Variants in SEMA6D observed in about 807,000 individuals in gnomAD.
SEMA6D encodes the protein semaphorin 6D, also known as semaphorin-6D.
A neutral mutation model predicts 106.6 loss-of-function variants in SEMA6D; 35 were observed. The observed-to-expected ratio is 0.33, with a 90% CI of 0.25 to 0.44. The LOEUF (loss-of-function observed/expected upper bound fraction) is 0.44, where lower values mean the gene tolerates loss of function less well. Among genes scored for constraint, SEMA6D ranks in the 20% least tolerant of loss-of-function variants. The probability of loss-of-function intolerance (pLI) is 1.00; values close to 1 mark genes in which losing one functional copy is unlikely to be tolerated. For missense variants in SEMA6D, 1,185 were observed against 1,345.9 expected, an observed-to-expected ratio of 0.88 and a Z score of 1.87; for synonymous variants, 499 against 487.7, an observed-to-expected ratio of 1.02 and a Z score of -0.31.
chr15:47,213,503 T>C (rs17356420), intron 1 of SEMA6D, among the ~76,000 whole-genome samples: 1,850 of 152,280 alleles, frequency 0.012, 43 homozygotes, highest in Admixed American at 0.012. Flanking sequence ...TGGATGATTC[T>C]GCAACTCCAA....
intron 1 of SEMA6D, among the ~76,000 whole-genome samples, chr15:47,323,002 C>G (rs949214947): frequency 2.0e-5 from 3 of 152,208 alleles, no homozygotes; most frequent in Non-Finnish European, 4.4e-5. Flanking sequence ...ACCTACCCAC[C>G]TACCTATCCA....
intron 3 of SEMA6D, among the ~76,000 whole-genome samples, chr15:47,521,300 C>A (rs1409617978): frequency 2.0e-5 from 3 of 152,174 alleles, no homozygotes; most frequent in African/African-American, 7.2e-5. Flanking sequence ...GCATCAGGCT[C>A]CACGGAACCT....
chr15:47,600,262 A>G (rs73390964), intron 3 of SEMA6D, among the ~76,000 whole-genome samples: 4,901 of 152,174 alleles, frequency 0.032, 268 homozygotes, highest in African/African-American at 0.11. Context: ...GCCTTATATT[A>G]TAGAATTGAT....
chr15:47,416,263 T>A (rs889365174), intron 2 of SEMA6D, among the ~76,000 whole-genome samples: 1 of 152,058 alleles, frequency 6.6e-6, no homozygotes, highest in Non-Finnish European at 1.5e-5. Flanking sequence ...CCACCCTCAT[T>A]TCTACCAATT....
intron 1 of SEMA6D, among the ~76,000 whole-genome samples, chr15:47,353,127 A>T (rs2038394568): frequency 6.6e-6 from 1 of 152,164 alleles, no homozygotes; most frequent in African/African-American, 2.4e-5. Flanking sequence ...CTATTCATAA[A>T]GAAATCTTAA....
At chr15:47,374,873 A>T (rs2039396692) in intron 1 of SEMA6D, among the ~76,000 whole-genome samples, 1 of 152,142 alleles carries the variant, frequency 6.6e-6, no homozygotes, top group South Asian at 2.1e-4. Context: ...GGTGGCTAAA[A>T]TGTCTTTACT....
chr15:47,547,626 G>C (rs1164708633), intron 3 of SEMA6D, among the ~76,000 whole-genome samples: 1 of 152,092 alleles, frequency 6.6e-6, no homozygotes, highest in Non-Finnish European at 1.5e-5. Flanking sequence ...CTTTAATAGA[G>C]ATTTGTTTCA....
intron 1 of SEMA6D, chr15:47,275,181 C>T (rs2034743075): frequency 6.6e-6 from 1 of 152,138 alleles, no homozygotes; most frequent in South Asian, 2.1e-4. Context: ...TATTTAGCTT[C>T]ATGATTGCCT....
upstream of SEMA6D, among the ~76,000 whole-genome samples, chr15:47,715,891 A>G (rs570520226): frequency 6.6e-6 from 1 of 152,284 alleles, no homozygotes; most frequent in Non-Finnish European, 1.5e-5. Context: ...CCCCCTTGCA[A>G]TCTTTATGCA....
rs2036764526 is a variant in SEMA6D, at chr15:47,318,169, G to A, written c.-238-94224G>A. 2.0e-5 allele frequency among the ~76,000 whole-genome samples: 3 copies of A among 150,624 alleles called. No individual in the cohort carries two copies. In the South Asian group the frequency reaches 6.3e-4, roughly 32 times the overall value. Reference sequence around the variant, plus strand: ...TTATTTTTTGAATTAATTTAAATGAGGTAGGCATAAATTTTGGATACTGAA... The same window carrying A: ...TTATTTTTTGAATTAATTTAAATGAAGTAGGCATAAATTTTGGATACTGAA... On this transcript the variant is annotated intron_variant, in intron 1 of 19. Coordinates refer to the SEMA6D transcript ENST00000558014.
intron 2 of SEMA6D, among the ~76,000 whole-genome samples, chr15:47,454,924 G>A (rs1465200737): frequency 6.6e-6 from 1 of 151,846 alleles, no homozygotes; most frequent in Non-Finnish European, 1.5e-5. Context: ...TGTGAACTGG[G>A]CATGCTAACT....
At chr15:47,640,820 A>C (rs1566953327) in intron 4 of SEMA6D, among the ~76,000 whole-genome samples, 1 of 152,088 alleles carries the variant, frequency 6.6e-6, no homozygotes, top group Admixed American at 6.6e-5. Flanking sequence ...GTTAAATATG[A>C]CCACAGGCCA....
chr15:47,547,371 C>A (rs2045556605), intron 3 of SEMA6D, among the ~76,000 whole-genome samples: 1 of 152,120 alleles, frequency 6.6e-6, no homozygotes, highest in South Asian at 2.1e-4. Flanking sequence ...CACTGATTAG[C>A]TTTATATAGC....
intron 18 of SEMA6D, among the ~76,000 whole-genome samples, chr15:47,770,040 A>G (rs28418522): frequency 0.23 from 34,926 of 152,136 alleles, 4,632 homozygotes; most frequent in Middle Eastern, 0.29. Flanking sequence ...TAATTGTATC[A>G]GAGTAATTAT....
intron 3 of SEMA6D, among the ~76,000 whole-genome samples, chr15:47,545,143 A>G (rs1191474728): frequency 2.0e-5 from 3 of 152,120 alleles, no homozygotes; most frequent in Non-Finnish European, 2.9e-5. Context: ...TACCAAAGAG[A>G]TGAGTTTTTA....
At chr15:47,667,380 C>T (rs1011774676) in intron 4 of SEMA6D, among the ~76,000 whole-genome samples, 2 of 152,124 alleles carry the variant, frequency 1.3e-5, no homozygotes, top group African/African-American at 2.4e-5. Flanking sequence ...TTCTCAAGCA[C>T]GTCAGGTCTC....
At chr15:47,355,041 G>A (rs1350971200) in intron 1 of SEMA6D, among the ~76,000 whole-genome samples, 1 of 152,156 alleles carries the variant, frequency 6.6e-6, no homozygotes, top group African/African-American at 2.4e-5. Flanking sequence ...CAGTGCTTTA[G>A]TTTTTCCATC....
chr15:47,407,853 G>T (rs1433932057), intron 1 of SEMA6D, among the ~76,000 whole-genome samples: 1 of 152,194 alleles, frequency 6.6e-6, no homozygotes, highest in Non-Finnish European at 1.5e-5. Context: ...AGATGCTGCT[G>T]TCAGTTTGCA....
At chr15:47,413,652 TA>T (rs1013192414) in intron 2 of SEMA6D, among the ~76,000 whole-genome samples, 15 of 151,448 alleles carry the variant, frequency 9.9e-5, no homozygotes, top group Non-Finnish European at 1.3e-4. Flanking sequence ...CCTTCCTAAT[TA>T]AAAAAAAATT....
Sources: gnomAD v4.1 joint callset for allele counts (sites outside exome capture counted in the v4.1 genomes callset) on GRCh38, gnomAD v4.1.1 for gene constraint, MANE v1.5 for transcripts, NCBI Gene and HGNC (gene_info 2026-07-23, HGNC 2026-07-21) for gene names.